KEAP1: variants seen among roughly 807,000 people sequenced by gnomAD.
KEAP1 encodes the protein kelch-like ECH-associated protein 1.
A neutral mutation model predicts 59.7 loss-of-function variants in KEAP1; 26 were observed. The observed-to-expected ratio is 0.44, with a 90% CI of 0.32 to 0.60. KEAP1 has a LOEUF of 0.60. KEAP1 is among the 20% of genes least tolerant of loss of function. KEAP1 has a pLI of 0.06. For synonymous variants in KEAP1, 350 were observed against 358.3 expected, an observed-to-expected ratio of 0.98 and a Z score of 0.26; for missense variants, 539 against 871.4, an observed-to-expected ratio of 0.62 and a Z score of 4.80.
chr19:10,488,428 C>T (rs985595233), intron 5 of KEAP1, among the ~76,000 whole-genome samples: 1 of 151,396 alleles, frequency 6.6e-6, no homozygotes, highest in Non-Finnish European at 1.5e-5. Context: ...GCCTGACCAA[C>T]ATGGTGAAAC....
At chr19:10,493,245 G>C (rs984868005) in intron 2 of KEAP1, among the ~76,000 whole-genome samples, 1 of 150,640 alleles carries the variant, frequency 6.6e-6, no homozygotes, top group East Asian at 2.0e-4. Context: ...TGCAACCTCC[G>C]CCTCCTGGGT....
intron 2 of KEAP1, among the ~76,000 whole-genome samples, chr19:10,493,442 G>A (rs550695588): frequency 2.6e-5 from 4 of 151,814 alleles, no homozygotes; most frequent in Admixed American, 1.3e-4. Context: ...GATTACAGGC[G>A]TGAGCCACCG....
At position 10,489,316 on chromosome 19, in the gene KEAP1, C is replaced by T. The variant is rs1458656013; in HGVS notation, c.1584G>A (p.Gln528=). ...AGCGCTCCACGCTGTTCAGCTGGTC[C>T]TGACCATCATAGCCCCCAGCAGCAT... ...CIYAAGGYDG[Q]DQLNSVERYD... Residue 528 remains glutamine, a synonymous_variant, in exon 5 of 6, where the codon CAG becomes CAA. Transcript: ENST00000171111. The T allele has an allele frequency of 2.5e-6, 4 of 1,613,926 alleles. No homozygotes were observed. The highest frequency in any genetic ancestry group is 2.2e-5 in the East Asian group (1 of 44,868).
chr19:10,489,490 GGA>G (rs1337484230), intron 4 of KEAP1, 122 bp from the exon 5 acceptor site: 3 of 1,265,204 alleles, frequency 2.4e-6, no homozygotes, highest in Non-Finnish European at 3.3e-6. Context: ...AATGAAGCGG[GGA>G]GAGAGAGAAG....
At chr19:10,497,282 A>AACC (rs1168506818) in intron 2 of KEAP1, among the ~76,000 whole-genome samples, 1 of 152,166 alleles carries the variant, frequency 6.6e-6, no homozygotes, top group Admixed American at 6.6e-5. Flanking sequence ...AACGCCAGAG[A>AACC]ACCCTGGGGC....
intron 2 of KEAP1, among the ~76,000 whole-genome samples, chr19:10,494,663 T>C (rs1914791765): frequency 2.1e-5 from 3 of 143,138 alleles, no homozygotes; most frequent in South Asian, 4.4e-4. Context: ...GTTTCTTTTT[T>C]TTTTTTTTTT....
Position 10,486,221 on chromosome 19 carries a change from C to G in KEAP1, c.*431G>C, listed in dbSNP as rs115470433. On this transcript the variant is annotated 3_prime_UTR_variant, in exon 6 of 6. Coordinates refer to ENST00000171111, the MANE Select transcript of KEAP1 (RefSeq NM_203500.2). ...GTCCATCCGGTGGGGAAGTGCCATC[C>G]GGTGGCTTCTATGTACAGGCCCATC... 1 of 235,290 alleles carries G rather than the reference C, an allele frequency of 4.3e-6. No individual in the cohort carries two copies. Among genetic ancestry groups the G allele is most frequent in the Admixed American group, 5.6e-5 (1 of 17,878 alleles). 14.6% of individuals were successfully genotyped at this position (235,290 alleles called of 1,614,324 possible).
Position 10,502,572 on chromosome 19 carries a change from A to T in KEAP1, c.-48+669T>A, listed in dbSNP as rs1310185363. The T allele has an allele frequency of 6.6e-6, 1 of 152,032 alleles. No homozygotes were observed. Among genetic ancestry groups the T allele is most frequent in the African/African-American group, 2.4e-5 (1 of 41,402 alleles). 9.4% of individuals were successfully genotyped at this position (152,032 alleles called of 1,614,324 possible). On this transcript the variant is annotated intron_variant, in intron 1 of 5. Coordinates refer to ENST00000171111, the MANE Select transcript of KEAP1 (RefSeq NM_203500.2). The surrounding 1 kb of genome is among the most constrained non-coding windows in gnomAD (Gnocchi z 4.0). ...CAGGTCGCGCCCTCCTGGCCCTCCGAGTCCTGGCGGGGAACTCGGAGGCGC... is the reference window on the plus strand; with the variant it reads ...CAGGTCGCGCCCTCCTGGCCCTCCGTGTCCTGGCGGGGAACTCGGAGGCGC...
Position 10,499,934 on chromosome 19 carries a change from C to T in KEAP1, c.100G>A (p.Ala34Thr), listed in dbSNP as rs372654184. ...PEGAGDAVMY[A>T]STECKAEVTP... ...ACCTCCGCCTTGCACTCAGTGGAGG[C>T]GTACATCACCGCGTCCCCTGCCCCC... is the stretch of plus-strand genomic sequence containing the variant. The change falls in exon 2 of 6, where the codon GCC becomes ACC. Residue 34 changes from alanine (A) to threonine (T), a missense_variant. Ala to Thr is a moderately conservative substitution (Grantham distance 58). This residue lies in a region of KEAP1 where 166 missense variants were observed against 295.8 expected (regional missense o/e 0.56). Transcript: ENST00000171111. The surrounding 1 kb of genome is among the most constrained non-coding windows in gnomAD (Gnocchi z 6.7). The T allele has an allele frequency of 3.5e-5, 57 of 1,610,644 alleles. 1 individual carries two copies. Among genetic ancestry groups the T allele is most frequent in the South Asian group, 3.3e-5 (3 of 90,980 alleles).
intron 5 of KEAP1, 72 bp downstream of exon 5, chr19:10,489,120 A>AAAT: frequency 4.3e-6 from 4 of 920,606 alleles, no homozygotes; most frequent in Non-Finnish European, 6.2e-6. Context: ...AAAAAAAAAA[A>AAAT]GGAAAGCAAA....
intron 5 of KEAP1, among the ~76,000 whole-genome samples, chr19:10,487,218 C>T (rs1045608166): frequency 7.2e-5 from 11 of 151,828 alleles, no homozygotes; most frequent in East Asian, 5.8e-4. Flanking sequence ...TGGTGGTGCG[C>T]GCCTGTAGTC....
intron 1 of KEAP1, among the ~76,000 whole-genome samples, chr19:10,501,060 T>G (rs1409982456): frequency 6.6e-6 from 1 of 152,078 alleles, no homozygotes; most frequent in Admixed American, 6.6e-5. Flanking sequence ...ATGAAAATTA[T>G]TATAAAGTGG....
intron 1 of KEAP1, among the ~76,000 whole-genome samples, chr19:10,501,615 A>T (rs1568402571): frequency 6.6e-6 from 1 of 152,040 alleles, no homozygotes; most frequent in African/African-American, 2.4e-5. Context: ...GGGTGACAGA[A>T]CAAGACTCCA....
chr19:10,489,854 C>T lies in KEAP1; in HGVS notation c.1326-1G>A, dbSNP rs1568397317. 1 of 1,612,590 alleles carries T rather than the reference C, an allele frequency of 6.2e-7. No homozygotes were observed. The highest frequency in any genetic ancestry group is 1.7e-5 in the Admixed American group (1 of 59,724). On this transcript the variant is annotated splice_acceptor_variant, in intron 3 of 5. Transcript: ENST00000171111. LOFTEE classifies it high-confidence loss of function. The stretch of plus-strand genomic sequence containing the variant: ...CCACTCATCCCGCTCTGGCTCATAC[C>T]TGCAAGGGCGTAAGAAAAATGGGGA...
chr19:10,495,754 C>T (rs1051136239), intron 2 of KEAP1, among the ~76,000 whole-genome samples: 9 of 151,946 alleles, frequency 5.9e-5, no homozygotes, highest in Non-Finnish European at 1.2e-4. Context: ...AATTTTGATC[C>T]GACCACTTCG....
rs887838584 is a variant in KEAP1 at position 10,486,750 on chromosome 19, C to T, written c.1777G>A (p.Glu593Lys). ...CYDPDTDTWS[E>K]VTRMTSGRSG... ...CGGCCCGATGTCATTCGGGTCACCTCGCTCCAGGTGTCTGTATCTGGGTCG... is the reference window on the plus strand; with the variant it reads ...CGGCCCGATGTCATTCGGGTCACCTTGCTCCAGGTGTCTGTATCTGGGTCG... The change falls in exon 6 of 6, where the codon GAG becomes AAG. Residue 593 changes from glutamate to lysine, a missense_variant. Around this residue, in one of 4 missense-constraint regions of KEAP1, gnomAD observed 311 missense variants for 425.2 expected, o/e 0.73. Transcript: ENST00000171111. 1.5e-5 allele frequency: 24 copies of T among 1,614,124 alleles called. No individual in the cohort carries two copies. The highest frequency in any genetic ancestry group is 1.9e-5 in the Non-Finnish European group (22 of 1,180,026).
In KEAP1 at chr19:10,499,935, G is replaced by A. The variant is rs575186517; in HGVS notation, c.99C>T (p.Tyr33=). The A allele has an allele frequency of 1.1e-5, 17 of 1,610,864 alleles. No homozygotes were observed. In the African/African-American group the frequency reaches 1.1e-4, roughly 10 times the overall value. Residue 33 remains tyrosine (Y), a synonymous_variant, in exon 2 of 6, where the codon TAC becomes TAT. Coordinates refer to ENST00000171111, the MANE Select transcript of KEAP1 (RefSeq NM_203500.2). This position sits in a 1 kb window ranked among gnomAD's most constrained non-coding sequence, Gnocchi z 6.7. ...CCTCCGCCTTGCACTCAGTGGAGGCGTACATCACCGCGTCCCCTGCCCCCT... is the reference window on the plus strand; with the variant it reads ...CCTCCGCCTTGCACTCAGTGGAGGCATACATCACCGCGTCCCCTGCCCCCT... ...CPEGAGDAVM[Y]ASTECKAEVT... is the part of the protein sequence containing the mutation.
intron 2 of KEAP1, among the ~76,000 whole-genome samples, chr19:10,494,045 G>A (rs759946916): frequency 6.6e-6 from 1 of 151,736 alleles, no homozygotes; most frequent in African/African-American, 2.4e-5. Context: ...GGGCTCAAAC[G>A]ATCTTCCCAC....
rs555564768 is a variant in KEAP1, at chr19:10,488,093, A to C, written c.1708+1099T>G. On this transcript the variant is annotated intron_variant, in intron 5 of 5. Coordinates refer to ENST00000171111, the MANE Select transcript of KEAP1 (RefSeq NM_203500.2). ...CAGTGAGCCGAGATCGAGCCATTGC[A>C]CTCCAGCATGGGCAACGAAAGTGAA... 7.2e-5 allele frequency among the ~76,000 whole-genome samples: 11 copies of C among 152,036 alleles called. No homozygotes were observed. In the South Asian group the frequency reaches 2.3e-3, roughly 32 times the overall value.
Sources: allele counts gnomAD v4.1 joint callset (sites outside exome capture counted in the v4.1 genomes callset), GRCh38; gene constraint gnomAD v4.1.1; regional missense constraint gnomAD v4.1.1; non-coding constraint Gnocchi (gnomAD v3.1); transcripts MANE v1.5; gene names NCBI Gene and HGNC (gene_info 2026-07-23, HGNC 2026-07-21).